RGS6: variants seen among roughly 807,000 people sequenced by gnomAD.
The protein encoded by RGS6 is regulator of G protein signaling 6, also known as regulator of G-protein signaling 6.
Under a neutral mutation model 78.5 loss-of-function variants are expected in RGS6, and 30 were observed. The ratio of observed to expected loss-of-function variants is 0.38; its 90% CI spans 0.29 to 0.52. RGS6 has a LOEUF of 0.52. RGS6 is among the 20% of genes least tolerant of loss of function. The probability of loss-of-function intolerance (pLI) is 0.85; values close to 1 mark genes in which losing one functional copy is unlikely to be tolerated. For synonymous variants in RGS6, 206 were observed against 206.0 expected, an observed-to-expected ratio of 1.00 and a Z score of 0.00; for missense variants, 495 against 609.7, an observed-to-expected ratio of 0.81 and a Z score of 1.98.
At chr14:72,055,194 T>A (rs1038916436) in intron 2 of RGS6, among the ~76,000 whole-genome samples, 9 of 152,188 alleles carry the variant, frequency 5.9e-5, no homozygotes, top group African/African-American at 2.2e-4. Flanking sequence ...CATTCAACTT[T>A]ACAAAAGAAT....
intron 2 of RGS6, among the ~76,000 whole-genome samples, chr14:72,170,034 T>G (rs2096989045): frequency 6.6e-6 from 1 of 152,194 alleles, no homozygotes; most frequent in Non-Finnish European, 1.5e-5. Flanking sequence ...GGAGTGTGGC[T>G]TCTTGAAGCA....
At chr14:72,412,648 A>G (rs1566777216) in intron 3 of RGS6, among the ~76,000 whole-genome samples, 2 of 151,802 alleles carry the variant, frequency 1.3e-5, no homozygotes. Context: ...TAGTTCTTTT[A>G]ATTGTGATGT....
At chr14:72,124,470 G>A (rs1265592148) in intron 2 of RGS6, among the ~76,000 whole-genome samples, 1 of 152,086 alleles carries the variant, frequency 6.6e-6, no homozygotes, top group Admixed American at 6.6e-5. Context: ...TAAATTAGGG[G>A]CTTTTTGCTA....
At chr14:72,575,546 C>A in the RGS6 span, among the ~76,000 whole-genome samples, 1 of 152,164 alleles carries the variant, frequency 6.6e-6, no homozygotes, top group African/African-American at 2.4e-5. Context: ...AAAGGATGGG[C>A]ATGCTTCCAG....
intron 2 of RGS6, among the ~76,000 whole-genome samples, chr14:72,045,520 GTT>G (rs1433124129): frequency 1.3e-5 from 2 of 152,148 alleles, no homozygotes; most frequent in African/African-American, 4.8e-5. Context: ...CTCAGATAGA[GTT>G]TGCATCTTGC....
chr14:72,215,317 G>T (rs1203079775), intron 2 of RGS6, among the ~76,000 whole-genome samples: 2 of 152,200 alleles, frequency 1.3e-5, no homozygotes, highest in Non-Finnish European at 2.9e-5. Context: ...GTGCTTGGAG[G>T]CTGCTGCTTT....
chr14:72,058,908 T>C (rs938956891), intron 2 of RGS6, among the ~76,000 whole-genome samples: 10 of 152,160 alleles, frequency 6.6e-5, no homozygotes, highest in African/African-American at 2.4e-4. Flanking sequence ...CTTATTTTTA[T>C]TTTTATTTTT....
rs572298228 is a variant in RGS6, at chr14:72,175,309, G to A, written c.85-176786G>A. On this transcript the variant is annotated intron_variant, in intron 2 of 17. Transcript: ENST00000553525. ...AGAGGGGAAGCAAAATAAGTCAGCAGAGGATACTTTCAGCATACTGTGACT... is the reference window on the plus strand; with the variant it reads ...AGAGGGGAAGCAAAATAAGTCAGCAAAGGATACTTTCAGCATACTGTGACT... 2.8e-4 allele frequency among the ~76,000 whole-genome samples: 43 copies of A among 152,308 alleles called. 1 individual carries two copies. The South Asian group carries it at 8.1e-3, about 29-fold the overall frequency.
At chr14:72,536,116 T>A in intron 15 of RGS6, 70 bp from the exon 16 acceptor site, 2 of 1,168,630 alleles carry the variant, frequency 1.7e-6, no homozygotes, top group South Asian at 1.2e-5. Flanking sequence ...CAGTGATCAA[T>A]TGGATTGTAA....
At chr14:71,959,859 G>A (rs555957381) in intron 1 of RGS6, among the ~76,000 whole-genome samples, 15 of 152,286 alleles carry the variant, frequency 9.8e-5, no homozygotes, top group South Asian at 4.2e-4. Context: ...GCAACCCTGC[G>A]TGATGGAGGG....
chr14:72,203,381 G>A lies in RGS6; in HGVS notation c.85-148714G>A, dbSNP rs76407364. On this transcript the variant is annotated intron_variant, in intron 2 of 17. Coordinates refer to ENST00000553525, the MANE Select transcript of RGS6 (RefSeq NM_001204424.2). ...AGTTAATAGCTGTTAGTTATCTATCGCTGTATAACAAATTGTCCCAAATTT... is the reference window on the plus strand; with the variant it reads ...AGTTAATAGCTGTTAGTTATCTATCACTGTATAACAAATTGTCCCAAATTT... 1.1e-4 allele frequency among the ~76,000 whole-genome samples: 16 copies of A among 152,262 alleles called. No individual in the cohort carries two copies. The East Asian group carries it at 2.1e-3, about 20-fold the overall frequency.
At chr14:72,618,885 G>A in the RGS6 span, among the ~76,000 whole-genome samples, 10 of 152,292 alleles carry the variant, frequency 6.6e-5, no homozygotes, top group East Asian at 1.9e-3. Flanking sequence ...CTGGGGGCAC[G>A]GGGGCTGTGC....
At chr14:72,234,112 T>C (rs1165748257) in intron 2 of RGS6, among the ~76,000 whole-genome samples, 2 of 152,228 alleles carry the variant, frequency 1.3e-5, no homozygotes, top group East Asian at 3.9e-4. Flanking sequence ...ATTAAGCACC[T>C]GTGTTCTAAG....
At chr14:71,984,515 G>A (rs938330153) in intron 2 of RGS6, among the ~76,000 whole-genome samples, 9 of 150,240 alleles carry the variant, frequency 6.0e-5, no homozygotes, top group Non-Finnish European at 8.9e-5. Flanking sequence ...GACAAGGAAG[G>A]CTTATTGAGG....
chr14:72,081,989 G>T lies in RGS6; in HGVS notation c.84+117114G>T, dbSNP rs185737861. 3.8e-3 allele frequency among the ~76,000 whole-genome samples: 574 copies of T among 151,924 alleles called. 10 individuals are homozygous for T. The highest frequency in any genetic ancestry group is 0.013 in the African/African-American group (550 of 41,432). On this transcript the variant is annotated intron_variant, in intron 2 of 17. Coordinates refer to ENST00000553525, the MANE Select transcript of RGS6 (RefSeq NM_001204424.2). Reference sequence around the variant, plus strand: ...TTTTAGATCTTTTTTTAACAGTATGGTTATATTTTAAAATGCCTAGAAGAC... The same window carrying T: ...TTTTAGATCTTTTTTTAACAGTATGTTTATATTTTAAAATGCCTAGAAGAC...
the RGS6 span, among the ~76,000 whole-genome samples, chr14:72,628,607 C>T: frequency 1.2e-4 from 18 of 152,062 alleles, no homozygotes; most frequent in Non-Finnish European, 2.2e-4. Context: ...TGAAAGTGTA[C>T]ACCACCATCT....
intron 3 of RGS6, among the ~76,000 whole-genome samples, chr14:72,431,207 C>T (rs879798977): frequency 1.6e-4 from 24 of 152,122 alleles, no homozygotes; most frequent in Admixed American, 3.9e-4. Flanking sequence ...TGTGTAGCAG[C>T]AGAACTCTTC....
chr14:72,296,473 C>T (rs2152371528), intron 2 of RGS6, among the ~76,000 whole-genome samples: 1 of 152,256 alleles, frequency 6.6e-6, no homozygotes, highest in South Asian at 2.1e-4. Context: ...TCTGATTGTT[C>T]CACATCCTTG....
chr14:72,076,988 G>A (rs1416106006), intron 2 of RGS6, among the ~76,000 whole-genome samples: 6 of 146,538 alleles, frequency 4.1e-5, no homozygotes, highest in Non-Finnish European at 7.4e-5. Flanking sequence ...TATATATATA[G>A]CCAAATTATA....
Sources: allele counts gnomAD v4.1 joint callset (sites outside exome capture counted in the v4.1 genomes callset), GRCh38; gene constraint gnomAD v4.1.1; transcripts MANE v1.5; gene names NCBI Gene and HGNC (gene_info 2026-07-23, HGNC 2026-07-21).